CYSTM1: variants seen among roughly 807,000 people sequenced by gnomAD.
CYSTM1 encodes the protein cysteine rich transmembrane module containing 1.
CYSTM1 carries 4 observed loss-of-function variants against 13.1 expected under a neutral mutation model. That is an observed-to-expected ratio of 0.31 (90% CI 0.15 to 0.70). The LOEUF is 0.70. Ranked by LOEUF, CYSTM1 falls within the 30% of genes least tolerant of loss-of-function variation. The pLI is 0.72. For missense variants in CYSTM1, 96 were observed against 121.6 expected, an observed-to-expected ratio of 0.79 and a Z score of 0.99; for synonymous variants, 36 against 42.7, an observed-to-expected ratio of 0.84 and a Z score of 0.62.
rs1341451949 is a variant in CYSTM1 at position 140,219,577 on chromosome 5, T to C, written c.188-23728T>C. ...CAGGAGAAAACACTACTGTTTTTAC[T>C]GTCATAAAATTAAGCCTGGCAGTAG... On this transcript the variant is annotated intron_variant, in intron 2 of 2. Coordinates refer to ENST00000261811, the MANE Select transcript of CYSTM1 (RefSeq NM_032412.4). This position sits in a 1 kb window ranked among gnomAD's most constrained non-coding sequence, Gnocchi z 4.1. Among the ~76,000 whole-genome samples, 2 of 152,212 alleles carry C rather than the reference T, an allele frequency of 1.3e-5. No individual in the cohort carries two copies. Among genetic ancestry groups the C allele is most frequent in the Non-Finnish European group, 2.9e-5 (2 of 68,040 alleles).
At chr5:140,231,301 CATT>C (rs1168248188) in intron 2 of CYSTM1, among the ~76,000 whole-genome samples, 2 of 152,212 alleles carry the variant, frequency 1.3e-5, no homozygotes, top group Non-Finnish European at 2.9e-5. Context: ...TGGGATCACA[CATT>C]AGAAAATTTT....
At chr5:140,243,240 C>CT in intron 2 of CYSTM1, 65 bp from the exon 3 acceptor site, 1 of 1,405,306 alleles carries the variant, frequency 7.1e-7, no homozygotes, top group Non-Finnish European at 1.0e-6. Flanking sequence ...TCCTGGGAGG[C>CT]TAACTTTGCA....
At chr5:140,218,800 ATCTCTTAGT>A (rs1764459349) in intron 2 of CYSTM1, among the ~76,000 whole-genome samples, 1 of 152,174 alleles carries the variant, frequency 6.6e-6, no homozygotes, top group East Asian at 1.9e-4. Flanking sequence ...CTTCTGCTCT[ATCTCTTAGT>A]TCTCCAAATT....
At chr5:140,212,055 T>C (rs1764374080) in intron 2 of CYSTM1, among the ~76,000 whole-genome samples, 1 of 152,216 alleles carries the variant, frequency 6.6e-6, no homozygotes, top group Non-Finnish European at 1.5e-5. Context: ...CATTATCATA[T>C]TGAATCCATA....
chr5:140,181,711 T>G (rs908129342), intron 1 of CYSTM1, among the ~76,000 whole-genome samples: 3 of 152,164 alleles, frequency 2.0e-5, no homozygotes, highest in Non-Finnish European at 4.4e-5. Flanking sequence ...GGTCTCAAAC[T>G]CCTGAGCTCA....
intron 1 of CYSTM1, among the ~76,000 whole-genome samples, chr5:140,178,199 A>G (rs1161054481): frequency 6.6e-6 from 1 of 152,146 alleles, no homozygotes; most frequent in African/African-American, 2.4e-5. Flanking sequence ...ACATTTGTCA[A>G]CTAAGGCCTT....
intron 2 of CYSTM1, among the ~76,000 whole-genome samples, chr5:140,204,772 C>CGT (rs1160123381): frequency 2.2e-4 from 32 of 143,090 alleles, no homozygotes; most frequent in Admixed American, 1.5e-3. Flanking sequence ...CAGTGCTGAG[C>CGT]GCGTGTGTGT....
At chr5:140,209,623 T>C (rs1764339628) in intron 2 of CYSTM1, among the ~76,000 whole-genome samples, 1 of 151,926 alleles carries the variant, frequency 6.6e-6, no homozygotes, top group African/African-American at 2.4e-5. Flanking sequence ...AAAGGCGGGG[T>C]TTCACCATAT....
intron 2 of CYSTM1, among the ~76,000 whole-genome samples, chr5:140,240,152 G>A (rs1764730353): frequency 6.7e-6 from 1 of 150,158 alleles, no homozygotes; most frequent in South Asian, 2.1e-4. Flanking sequence ...CAGAAAGGTG[G>A]TGCCTGTTAC....
chr5:140,238,770 T>A (rs188230800), intron 2 of CYSTM1, among the ~76,000 whole-genome samples: 11 of 152,350 alleles, frequency 7.2e-5, no homozygotes, highest in Admixed American at 2.0e-4. Context: ...AGTAAAGGGC[T>A]ATTGTGGATC....
intron 2 of CYSTM1, among the ~76,000 whole-genome samples, chr5:140,213,734 C>G (rs1764398116): frequency 6.6e-6 from 1 of 152,176 alleles, no homozygotes; most frequent in East Asian, 1.9e-4. Flanking sequence ...TTCAATATAG[C>G]AACATGCTGT....
chr5:140,200,996 T>G (rs1485204868), intron 2 of CYSTM1: 2 of 152,266 alleles, frequency 1.3e-5, no homozygotes, highest in African/African-American at 2.4e-5. Flanking sequence ...TTCATCTATG[T>G]TGTAGCATGT....
intron 2 of CYSTM1, among the ~76,000 whole-genome samples, chr5:140,222,009 A>G (rs894811871): frequency 1.3e-5 from 2 of 152,234 alleles, no homozygotes; most frequent in African/African-American, 4.8e-5. Context: ...TGGGCACTGG[A>G]CTAGGCAGTG....
chr5:140,242,685 A>T (rs1464581650), intron 2 of CYSTM1, among the ~76,000 whole-genome samples: 1 of 152,108 alleles, frequency 6.6e-6, no homozygotes, highest in African/African-American at 2.4e-5. Context: ...TTCCAGCTCC[A>T]TTTGGAGGAA....
intron 2 of CYSTM1, among the ~76,000 whole-genome samples, chr5:140,197,228 C>G (rs1764169513): frequency 6.6e-6 from 1 of 152,200 alleles, no homozygotes; most frequent in African/African-American, 2.4e-5. Context: ...GTCCACTGTT[C>G]ATGCAGAAAA....
Position 140,194,564 on chromosome 5 carries a change from ACCCTACCCACCTCCTCAAGGGTAC to A in CYSTM1, c.107_130del (p.Pro36_Tyr43del). 1 of 1,613,280 alleles carries A rather than the reference ACCCTACCCACCTCCTCAAGGGTAC, an allele frequency of 6.2e-7. No individual in the cohort carries two copies. The highest frequency in any genetic ancestry group is 8.5e-7 in the Non-Finnish European group (1 of 1,179,674). ...CAATGGGTCCAGGACCTATGGGGGGACCCTACCCACCTCCTCAAGGGTACCCCTACCAAGGATACCCACAGTACG... is the reference window on the plus strand; with the variant it reads ...CAATGGGTCCAGGACCTATGGGGGGACCCTACCAAGGATACCCACAGTACG... On this transcript the variant is annotated inframe_deletion, in exon 2 of 3. Transcript: ENST00000261811.
chr5:140,183,993 T>C (rs1763988457), intron 1 of CYSTM1, among the ~76,000 whole-genome samples: 1 of 152,226 alleles, frequency 6.6e-6, no homozygotes, highest in Non-Finnish European at 1.5e-5. Flanking sequence ...AAAAAATTGA[T>C]TATTTTCTTG....
intron 2 of CYSTM1, among the ~76,000 whole-genome samples, chr5:140,241,504 G>C (rs1288391672): frequency 6.6e-6 from 1 of 152,256 alleles, no homozygotes; most frequent in Non-Finnish European, 1.5e-5. Flanking sequence ...TCTCTGGCCT[G>C]AAGCCCAGGG....
intron 2 of CYSTM1, 38 bp from the exon 3 acceptor site, chr5:140,243,267 C>T: frequency 6.3e-7 from 1 of 1,581,494 alleles, no homozygotes; most frequent in South Asian, 1.1e-5. Context: ...GGGGTTTGCA[C>T]CAGTCCATTC....
Sources: gnomAD v4.1 joint callset for allele counts (sites outside exome capture counted in the v4.1 genomes callset) on GRCh38, gnomAD v4.1.1 for gene constraint, Gnocchi (gnomAD v3.1) non-coding constraint, MANE v1.5 for transcripts, NCBI Gene and HGNC (gene_info 2026-07-23, HGNC 2026-07-21) for gene names.